The following CDH8 variants were observed in gnomAD, a reference collection of about 807,000 sequenced individuals.
CDH8 encodes cadherin-8.
A neutral mutation model predicts 68.1 loss-of-function variants in CDH8; 17 were observed. The ratio of observed to expected loss-of-function variants is 0.25; its 90% CI spans 0.17 to 0.37. The LOEUF is 0.37. Among genes scored for constraint, CDH8 ranks in the 10% least tolerant of loss-of-function variants. The probability of loss-of-function intolerance (pLI) is 1.00; values close to 1 mark genes in which losing one functional copy is unlikely to be tolerated. For missense variants in CDH8, 763 were observed against 999.3 expected, an observed-to-expected ratio of 0.76 and a Z score of 3.19; for synonymous variants, 372 against 365.1, an observed-to-expected ratio of 1.02 and a Z score of -0.21.
chr16:61,694,653 C>A (rs566920828), intron 10 of CDH8, among the ~76,000 whole-genome samples: 4 of 152,032 alleles, frequency 2.6e-5, no homozygotes, highest in Non-Finnish European at 4.4e-5. Flanking sequence ...TCTGATCCTG[C>A]CTCTGGTTCT....
At chr16:61,772,442 A>T (rs1012142831) in intron 8 of CDH8, among the ~76,000 whole-genome samples, 1 of 152,068 alleles carries the variant, frequency 6.6e-6, no homozygotes, top group African/African-American at 2.4e-5. Context: ...GAGCTCTGGT[A>T]TTTTTATTAG....
At chr16:61,846,434 T>C (rs1247943192) in intron 4 of CDH8, among the ~76,000 whole-genome samples, 1 of 152,118 alleles carries the variant, frequency 6.6e-6, no homozygotes, top group African/African-American at 2.4e-5. Flanking sequence ...TTAATAAGTA[T>C]CTATTCACTT....
chr16:61,869,359 T>C (rs920188617), intron 3 of CDH8, among the ~76,000 whole-genome samples: 4 of 152,102 alleles, frequency 2.6e-5, no homozygotes, highest in Non-Finnish European at 5.9e-5. Flanking sequence ...GCAGAGAAGA[T>C]TGACCCTGAG....
chr16:61,960,239 ATG>A lies in CDH8; in HGVS notation c.253-58768_253-58767del, dbSNP rs1491159367. Among the ~76,000 whole-genome samples, 224 of 38,072 alleles carry A rather than the reference ATG, an allele frequency of 5.9e-3. 61 individuals carry two copies. The highest frequency in any genetic ancestry group is 0.017 in the East Asian group (34 of 2,050). 25.0% of individuals were successfully genotyped at this position (38,072 alleles called of 152,430 possible). The stretch of plus-strand genomic sequence containing the variant: ...TGTGTGTGTATACACACATATATAC[ATG>A]TGTGTGTGTATACACATACATATAT... On this transcript the variant is annotated intron_variant, in intron 2 of 11. Transcript: ENST00000577390.
At chr16:61,930,152 C>T (rs1964518312) in intron 2 of CDH8, among the ~76,000 whole-genome samples, 2 of 151,806 alleles carry the variant, frequency 1.3e-5, no homozygotes, top group Admixed American at 1.3e-4. Context: ...TTGTATTATC[C>T]AGTGCCAAGA....
chr16:61,889,685 T>C (rs1178275393), intron 3 of CDH8, among the ~76,000 whole-genome samples: 1 of 152,226 alleles, frequency 6.6e-6, no homozygotes, highest in Admixed American at 6.5e-5. Flanking sequence ...GGAATGGTTA[T>C]GTAATAACAA....
intron 4 of CDH8, among the ~76,000 whole-genome samples, chr16:61,853,701 G>C (rs1216318781): frequency 6.6e-6 from 1 of 152,012 alleles, no homozygotes; most frequent in Non-Finnish European, 1.5e-5. Context: ...AGGTATGTGG[G>C]TCTTAGGTAA....
In CDH8 at chr16:61,713,874, T is replaced by G; in HGVS notation, c.1621A>C (p.Asn541His). Residue 541 changes from asparagine to histidine, a missense_variant, in exon 10 of 12, where the codon AAC becomes CAC. Asn to His is a moderately conservative substitution (Grantham distance 68). This residue lies in a region of CDH8 where 397 missense variants were observed against 436.2 expected (regional missense o/e 0.91). Transcript: ENST00000577390. ...TTCTTGATGGTGAAATTCGGATTGT[T>G]GACCATTTCTGGAAGGAGACTGTAT... ...FLYSLLPEMV[N>H]NPNFTIKKNE... 1 of 1,600,930 alleles carries G rather than the reference T, an allele frequency of 6.2e-7. No homozygotes were observed. The highest frequency in any genetic ancestry group is 8.6e-7 in the Non-Finnish European group (1 of 1,168,760).
intron 8 of CDH8, among the ~76,000 whole-genome samples, chr16:61,747,208 T>C (rs889102820): frequency 1.3e-5 from 2 of 152,128 alleles, no homozygotes; most frequent in African/African-American, 2.4e-5. Context: ...TGTATTCTTG[T>C]AATAAGATTG....
At chr16:61,658,194 C>A (rs1963488108) in intron 10 of CDH8, among the ~76,000 whole-genome samples, 1 of 151,964 alleles carries the variant, frequency 6.6e-6, no homozygotes, top group Admixed American at 6.6e-5. Context: ...ACATCAAAAA[C>A]CATAGAATAT....
At chr16:61,673,909 G>T (rs995874044) in intron 10 of CDH8, among the ~76,000 whole-genome samples, 1 of 152,032 alleles carries the variant, frequency 6.6e-6, no homozygotes, top group African/African-American at 2.4e-5. Context: ...ATATGATAAG[G>T]TTCATGAATC....
Position 61,653,051 on chromosome 16 carries a change from T to A in CDH8, c.*557A>T, listed in dbSNP as rs1170287991. Reference sequence around the variant, plus strand: ...AGTCTCTAGTGAGTGGGGCCAACAATTATGTACAATGTGTGGTCACCGTAC... The same window carrying A: ...AGTCTCTAGTGAGTGGGGCCAACAAATATGTACAATGTGTGGTCACCGTAC... On this transcript the variant is annotated 3_prime_UTR_variant, in exon 12 of 12. Transcript: ENST00000577390. The A allele has an allele frequency of 7.2e-7, 1 of 1,380,690 alleles. No homozygotes were observed. Among genetic ancestry groups the A allele is most frequent in the Non-Finnish European group, 9.4e-7 (1 of 1,068,918 alleles). The allele number at this position is 1,380,690 out of a possible 1,614,324, so 85.5% of individuals were successfully genotyped here.
chr16:61,762,217 G>T (rs772668445), intron 8 of CDH8, among the ~76,000 whole-genome samples: 1 of 151,996 alleles, frequency 6.6e-6, no homozygotes, highest in African/African-American at 2.4e-5. Flanking sequence ...ACATATACTC[G>T]CAATGCATAC....
At chr16:61,976,059 G>A (rs1965428134) in intron 2 of CDH8, among the ~76,000 whole-genome samples, 1 of 152,132 alleles carries the variant, frequency 6.6e-6, no homozygotes, top group South Asian at 2.1e-4. Flanking sequence ...TCAATCTACT[G>A]CAGTGCCTGA....
chr16:61,665,800 C>CTTCCT, intron 10 of CDH8, among the ~76,000 whole-genome samples: 1 of 137,546 alleles, frequency 7.3e-6, no homozygotes, highest in Non-Finnish European at 1.6e-5. Flanking sequence ...TCCTTCCTTC[C>CTTCCT]TTCCTTTCCC....
At chr16:61,657,528 T>G (rs1963471056) in intron 10 of CDH8, among the ~76,000 whole-genome samples, 1 of 152,118 alleles carries the variant, frequency 6.6e-6, no homozygotes, top group Non-Finnish European at 1.5e-5. Flanking sequence ...TTTATTGTCA[T>G]GACCTAGATG....
chr16:61,847,202 A>G (rs1042057907), intron 4 of CDH8, among the ~76,000 whole-genome samples: 4 of 152,028 alleles, frequency 2.6e-5, no homozygotes, highest in African/African-American at 7.2e-5. Context: ...TTGAACAACT[A>G]TCATGAGATG....
rs151258430 is a variant in CDH8, at chr16:61,898,368, T to G, written c.547+2811A>C. ...TAGAGCTCCTTTCACAAGAGGTAGA[T>G]AAAGTGGAGTCTTGGCAGAAGAAAT... On this transcript the variant is annotated intron_variant, in intron 3 of 11. Transcript: ENST00000577390. Among the ~76,000 whole-genome samples, 897 of 151,894 alleles carry G rather than the reference T, an allele frequency of 5.9e-3. 11 individuals are homozygous for G. The highest frequency in any genetic ancestry group is 0.021 in the African/African-American group (858 of 41,424).
rs937446532 is a variant in CDH8, at chr16:61,765,720, G to A, written c.1414+23626C>T. On this transcript the variant is annotated intron_variant, in intron 8 of 11. Transcript: ENST00000577390. ...CTCAACACAGTACAATAATAGACCC[G>A]TAGAAATTTTTCAAATTAGTTGCTG... 7.9e-5 allele frequency among the ~76,000 whole-genome samples: 12 copies of A among 151,886 alleles called. No individual in the cohort carries two copies. The East Asian group carries it at 9.7e-4, about 12-fold the overall frequency.
Sources: allele counts gnomAD v4.1 joint callset (sites outside exome capture counted in the v4.1 genomes callset), GRCh38; gene constraint gnomAD v4.1.1; regional missense constraint gnomAD v4.1.1; transcripts MANE v1.5; gene names NCBI Gene and HGNC (gene_info 2026-07-23, HGNC 2026-07-21).